The following GRK7 variants were observed in gnomAD, a reference collection of about 807,000 sequenced individuals.
GRK7 encodes rhodopsin kinase GRK7.
In GRK7, 24 loss-of-function variants were observed where a neutral mutation model predicts 34.1. The ratio of observed to expected loss-of-function variants is 0.70; its 90% CI spans 0.51 to 0.99. The LOEUF (loss-of-function observed/expected upper bound fraction) is 0.99, where lower values mean the gene tolerates loss of function less well. GRK7 is among the 50% of genes least tolerant of loss of function. The probability of loss-of-function intolerance (pLI) is 0.00; values close to 1 mark genes in which losing one functional copy is unlikely to be tolerated. For synonymous variants in GRK7, 256 were observed against 279.4 expected (o/e 0.92, Z 0.84); for missense variants, 644 against 707.3 (o/e 0.91, Z 1.02).
chr3:141,806,384 G>A (rs1201434874), intron 4 of GRK7, among the ~76,000 whole-genome samples: 1 of 152,088 alleles, frequency 6.6e-6, no homozygotes, highest in African/African-American at 2.4e-5. Flanking sequence ...CCAACATGGT[G>A]AAACCCCATC....
the GRK7 span, among the ~76,000 whole-genome samples, chr3:141,756,602 AT>A: frequency 6.6e-6 from 1 of 152,202 alleles, no homozygotes; most frequent in Non-Finnish European, 1.5e-5. Context: ...GAAAGTATAC[AT>A]TTTATAAAAC....
intron 4 of GRK7, among the ~76,000 whole-genome samples, chr3:141,797,753 C>T (rs1375719281): frequency 6.6e-6 from 1 of 152,126 alleles, no homozygotes; most frequent in East Asian, 1.9e-4. Context: ...CCGTCTGCGT[C>T]GCTAATCCAG....
In GRK7 at chr3:141,780,574, G is replaced by A. The variant is rs772886893; in HGVS notation, c.813G>A (p.Met271Ile). ...ATCTCTGCCTTGTCATGAGCCTGAT[G>A]AATGGGGGAGACCTCAAGTTCCACA... ...KTHLCLVMSL[M>I]NGGDLKFHIY... Residue 271 changes from methionine (M) to isoleucine (I), a missense_variant, in exon 4 of 6, where the codon ATG (methionine) becomes ATA (isoleucine). Transcript: ENST00000682958. The A allele has an allele frequency of 6.2e-7, 1 of 1,614,240 alleles. No individual in the cohort carries two copies. Among genetic ancestry groups the A allele is most frequent in the Admixed American group, 1.7e-5 (1 of 60,034 alleles).
intron 5 of GRK7, among the ~76,000 whole-genome samples, chr3:141,809,364 G>T (rs1711070041): frequency 6.6e-6 from 1 of 151,998 alleles, no homozygotes; most frequent in Non-Finnish European, 1.5e-5. Context: ...TGTTAAAATT[G>T]AAGCCAAGTT....
rs530294336 is a variant in GRK7 at position 141,818,811 on chromosome 3, T to G, written c.*1761T>G. ...GCTGCAAAAGTGCCGGTCAAAAAAA[T>G]GTTGGTTAACTGGAATCTGAATAAC... is the stretch of plus-strand genomic sequence containing the variant. On this transcript the variant is annotated 3_prime_UTR_variant, in exon 6 of 6. Transcript: ENST00000682958. Among the ~76,000 whole-genome samples the G allele has an allele frequency of 1.3e-5, 2 of 152,192 alleles. No individual in the cohort carries two copies. Among genetic ancestry groups the G allele is most frequent in the Admixed American group, 1.3e-4 (2 of 15,282 alleles).
intron 5 of GRK7, among the ~76,000 whole-genome samples, chr3:141,809,676 T>A (rs1711073001): frequency 6.6e-6 from 1 of 151,948 alleles, no homozygotes; most frequent in Non-Finnish European, 1.5e-5. Context: ...CCAGCATGGG[T>A]GGCAGAGCAA....
At chr3:141,798,236 T>C (rs562464978) in intron 4 of GRK7, among the ~76,000 whole-genome samples, 1 of 152,240 alleles carries the variant, frequency 6.6e-6, no homozygotes, top group East Asian at 1.9e-4. Context: ...AAGCTTGAGA[T>C]TACTGTACTA....
At chr3:141,788,928 C>T (rs535501141) in intron 4 of GRK7, among the ~76,000 whole-genome samples, 2 of 152,148 alleles carry the variant, frequency 1.3e-5, no homozygotes, top group African/African-American at 4.8e-5. Context: ...CTACCTCTCA[C>T]GTTCAAGCAC....
chr3:141,815,539 A>G (rs1272448490), intron 5 of GRK7, among the ~76,000 whole-genome samples: 1 of 152,104 alleles, frequency 6.6e-6, no homozygotes, highest in Non-Finnish European at 1.5e-5. Flanking sequence ...AGCCCCTAAG[A>G]TGGCTCCCAA....
At chr3:141,772,448 A>C (rs188764054) in intron 1 of GRK7, among the ~76,000 whole-genome samples, 1 of 152,178 alleles carries the variant, frequency 6.6e-6, no homozygotes, top group East Asian at 1.9e-4. Context: ...ACACTGCTCA[A>C]AATAGCTTCT....
At chr3:141,781,398 A>T (rs1303424761) in intron 4 of GRK7, among the ~76,000 whole-genome samples, 1 of 152,022 alleles carries the variant, frequency 6.6e-6, no homozygotes, top group Non-Finnish European at 1.5e-5. Context: ...TTAGCCAGGC[A>T]TGGTGACAGG....
At chr3:141,811,087 G>A (rs1438673132) in intron 5 of GRK7, among the ~76,000 whole-genome samples, 5 of 152,052 alleles carry the variant, frequency 3.3e-5, no homozygotes, top group African/African-American at 1.2e-4. Context: ...GGCCAAGGCG[G>A]GTGGGTCACC....
chr3:141,796,581 C>T (rs1710881720), intron 4 of GRK7, among the ~76,000 whole-genome samples: 2 of 152,194 alleles, frequency 1.3e-5, no homozygotes, highest in African/African-American at 2.4e-5. Flanking sequence ...CAGCAGTGGG[C>T]AGTGGGTGAG....
In GRK7 at chr3:141,780,470, C is replaced by T; in HGVS notation, c.709C>T (p.Leu237Phe). The change falls in exon 4 of 6, where the codon CTC (leucine) becomes TTC (phenylalanine). Residue 237 changes from leucine (L) to phenylalanine (F), a missense_variant. Coordinates refer to ENST00000682958, the MANE Select transcript of GRK7 (RefSeq NM_139209.3). Reference protein sequence around the residue: ...LKKKGGEKMALLEKEILEKVS... With the variant: ...LKKKGGEKMAFLEKEILEKVS... The stretch of plus-strand genomic sequence containing the variant: ...GAAGAAAGGTGGCGAGAAGATGGCT[C>T]TCTTGGAAAAGGAAATCTTGGAGAA... 6.2e-7 allele frequency: 1 copy of T among 1,614,228 alleles called. No homozygotes were observed. The highest frequency in any genetic ancestry group is 8.5e-7 in the Non-Finnish European group (1 of 1,180,048).
At position 141,773,044 on chromosome 3, in the gene GRK7, G is replaced by A. The variant is rs190743221; in HGVS notation, c.-214-1536G>A. On this transcript the variant is annotated intron_variant, in intron 1 of 5. Transcript: ENST00000682958. ...CCAGCTACTTGGGAGGCTGATGTAC[G>A]AGAATTGCTTGAACCTGGGAGGCGG... Among the ~76,000 whole-genome samples, 378 of 151,260 alleles carry A rather than the reference G, an allele frequency of 2.5e-3. 2 individuals are homozygous for A. The highest frequency in any genetic ancestry group is 0.019 in the South Asian group (91 of 4,800).
chr3:141,755,682 C>CG, the GRK7 span, among the ~76,000 whole-genome samples: 47 of 152,218 alleles, frequency 3.1e-4, no homozygotes, highest in African/African-American at 9.9e-4. Flanking sequence ...ACTGATAACA[C>CG]TAAGTCTTGA....
At position 141,778,696 on chromosome 3, in the gene GRK7, A is replaced by G; in HGVS notation, c.412A>G (p.Thr138Ala). The stretch of plus-strand genomic sequence containing the variant: ...CGTGGCCACCAAGTGCCAAGCAGCC[A>G]CCACTGAGGAAGAGCGAGTGGCTGC... ...QAVATKCQAATTEEERVAAVT... is the reference protein window; with the variant it reads ...QAVATKCQAAATEEERVAAVT... Residue 138 changes from threonine (T) to alanine (A), a missense_variant, in exon 3 of 6, where the codon ACC becomes GCC. Thr to Ala is a moderately conservative substitution (Grantham distance 58). Transcript: ENST00000682958. The surrounding 1 kb of genome is among the most constrained non-coding windows in gnomAD (Gnocchi z 4.1). 1 of 1,613,460 alleles carries G rather than the reference A, an allele frequency of 6.2e-7. No individual in the cohort carries two copies. The highest frequency in any genetic ancestry group is 8.5e-7 in the Non-Finnish European group (1 of 1,179,660).
chr3:141,814,342 A>G (rs1292546208), intron 5 of GRK7, among the ~76,000 whole-genome samples: 1 of 152,180 alleles, frequency 6.6e-6, no homozygotes, highest in Non-Finnish European at 1.5e-5. Context: ...TAGTGAGCAT[A>G]GTACTCAATA....
At chr3:141,805,885 C>T (rs997710644) in intron 4 of GRK7, among the ~76,000 whole-genome samples, 1 of 152,176 alleles carries the variant, frequency 6.6e-6, no homozygotes. Context: ...CAGCCTCGAA[C>T]TCCTTGGCTG....
Sources: gnomAD v4.1 joint callset for allele counts (sites outside exome capture counted in the v4.1 genomes callset) on GRCh38, gnomAD v4.1.1 for gene constraint, Gnocchi (gnomAD v3.1) non-coding constraint, MANE v1.5 for transcripts, NCBI Gene and HGNC (gene_info 2026-07-23, HGNC 2026-07-21) for gene names.